RGS5: variants seen among roughly 807,000 people sequenced by gnomAD.
RGS5 encodes regulator of G-protein signalling 5.
A neutral mutation model predicts 18.9 loss-of-function variants in RGS5; 20 were observed. The ratio of observed to expected loss-of-function variants is 1.06; its 90% CI spans 0.74 to 1.54. The LOEUF (loss-of-function observed/expected upper bound fraction) is 1.54, where lower values mean the gene tolerates loss of function less well. RGS5 is among the 40% of genes most tolerant of loss of function. The pLI is 0.00. For missense variants in RGS5, 201 were observed against 211.8 expected (o/e 0.95, Z 0.32); for synonymous variants, 57 against 76.2 (o/e 0.75, Z 1.31).
chr1:163,205,345 T>TAAAAAAAAAAAA (rs35747068), upstream of RGS5, among the ~76,000 whole-genome samples: 1 of 72,740 alleles, frequency 1.4e-5, no homozygotes, highest in Non-Finnish European at 2.6e-5. Context: ...TTAACCACAG[T>TAAAAAAAAAAAA]AAAAAAAAAA....
chr1:163,249,981 C>A lies in RGS5; in HGVS notation c.-281+56252G>T, dbSNP rs916120903. Reference sequence around the variant, plus strand: ...CTGCCCTAGCTCAGTACGTGGTATTCCTGTTGTTAGGTACATCACTGCCAC... The same window carrying A: ...CTGCCCTAGCTCAGTACGTGGTATTACTGTTGTTAGGTACATCACTGCCAC... On this transcript the variant is annotated intron_variant, in intron 2 of 5. Transcript: ENST00000618415. Among the ~76,000 whole-genome samples the A allele has an allele frequency of 2.2e-4, 34 of 152,062 alleles. 1 individual carries two copies. The highest frequency in any genetic ancestry group is 7.2e-4 in the African/African-American group (30 of 41,396).
intron 2 of RGS5, among the ~76,000 whole-genome samples, chr1:163,239,548 A>G (rs1647729661): frequency 6.6e-6 from 1 of 152,086 alleles, no homozygotes; most frequent in Non-Finnish European, 1.5e-5. Flanking sequence ...GGCATAAAGA[A>G]GACCTAAAAC....
At chr1:163,275,410 GT>G (rs1273554520) in intron 2 of RGS5, among the ~76,000 whole-genome samples, 2 of 152,148 alleles carry the variant, frequency 1.3e-5, no homozygotes, top group East Asian at 3.9e-4. Flanking sequence ...CATCAGCCTA[GT>G]GAAGATGCTG....
chr1:163,270,300 C>T (rs949029113), intron 2 of RGS5, among the ~76,000 whole-genome samples: 2 of 148,324 alleles, frequency 1.3e-5, no homozygotes, highest in Admixed American at 1.4e-4. Flanking sequence ...TCGCTTGAGC[C>T]CAAGAGTTAG....
intron 1 of RGS5, among the ~76,000 whole-genome samples, chr1:163,310,937 G>C (rs951617703): frequency 2.6e-4 from 40 of 152,294 alleles, no homozygotes; most frequent in African/African-American, 7.9e-4. Flanking sequence ...CCGAGCAAAG[G>C]GGGAAGAGCC....
chr1:163,293,841 A>C (rs1447857108), intron 2 of RGS5, among the ~76,000 whole-genome samples: 1 of 152,194 alleles, frequency 6.6e-6, no homozygotes, highest in African/African-American at 2.4e-5. Context: ...GGCCAAAACA[A>C]AGGGGCCACA....
intron 2 of RGS5, among the ~76,000 whole-genome samples, chr1:163,259,537 T>C (rs183137525): frequency 6.6e-6 from 1 of 152,180 alleles, no homozygotes; most frequent in East Asian, 1.9e-4. Flanking sequence ...CAATACAGTA[T>C]GGTACACAAT....
intron 4 of RGS5, 142 bp downstream of exon 4, chr1:163,152,408 A>C (rs918646438): frequency 1.3e-6 from 1 of 791,394 alleles, no homozygotes; most frequent in African/African-American, 1.7e-5. Context: ...CTGCCTTTGT[A>C]CTCAATAGGT....
intron 1 of RGS5, among the ~76,000 whole-genome samples, chr1:163,180,341 G>T (rs1328258097): frequency 6.6e-6 from 1 of 152,078 alleles, no homozygotes; most frequent in Non-Finnish European, 1.5e-5. Context: ...CTCCAGGTCT[G>T]AATTACTGTA....
At chr1:163,276,005 CT>C (rs201739099) in intron 2 of RGS5, among the ~76,000 whole-genome samples, 2 of 149,320 alleles carry the variant, frequency 1.3e-5, no homozygotes, top group Non-Finnish European at 3.0e-5. Flanking sequence ...GTGGCACATT[CT>C]TTTTTTTTTC....
chr1:163,246,531 A>G (rs1016688849), intron 2 of RGS5, among the ~76,000 whole-genome samples: 4 of 152,198 alleles, frequency 2.6e-5, no homozygotes, highest in African/African-American at 9.7e-5. Flanking sequence ...AGATTGTGCC[A>G]CTGCACTCCA....
At chr1:163,171,383 C>T (rs1042481968) in intron 1 of RGS5, among the ~76,000 whole-genome samples, 2 of 152,142 alleles carry the variant, frequency 1.3e-5, no homozygotes, top group African/African-American at 4.8e-5. Context: ...CCTCCTGGCT[C>T]CATAGGTCCC....
intron 3 of RGS5, 32 bp from the exon 4 acceptor site, chr1:163,152,748 T>G (rs984210038): frequency 6.5e-7 from 1 of 1,537,414 alleles, no homozygotes; most frequent in Non-Finnish European, 8.8e-7. Flanking sequence ...GCTGGAGAAA[T>G]TTATTAATTT....
At chr1:163,165,999 G>A (rs1397916406) in intron 2 of RGS5, among the ~76,000 whole-genome samples, 5 of 152,184 alleles carry the variant, frequency 3.3e-5, no homozygotes. Flanking sequence ...AACAGTTCGG[G>A]TGAGGTAGTA....
intron 4 of RGS5, among the ~76,000 whole-genome samples, chr1:163,150,398 C>A (rs1220905424): frequency 6.6e-6 from 1 of 152,116 alleles, no homozygotes; most frequent in Admixed American, 6.6e-5. Flanking sequence ...GGTATTTCAG[C>A]AAATCTTAGA....
At chr1:163,215,677 A>G (rs1660200017) in intron 1 of RGS5, among the ~76,000 whole-genome samples, 1 of 152,150 alleles carries the variant, frequency 6.6e-6, no homozygotes, top group Non-Finnish European at 1.5e-5. Context: ...AAACAAATTA[A>G]TCTTATAAAT....
rs1657075567 is a variant in RGS5, at chr1:163,145,004, T to C, written c.*2338A>G. 1 of 152,216 alleles carries C rather than the reference T, an allele frequency of 6.6e-6. No homozygotes were observed. The highest frequency in any genetic ancestry group is 1.5e-5 in the Non-Finnish European group (1 of 68,026). 9.4% of individuals were successfully genotyped at this position (152,216 alleles called of 1,614,324 possible). ...AGATAGATAGATATATGTAGATATA[T>C]AGATATAATGTCACAATATCACTAT... On this transcript the variant is annotated 3_prime_UTR_variant, in exon 5 of 5. Transcript: ENST00000313961.
At chr1:163,178,492 A>G (rs1164138257) in intron 1 of RGS5, among the ~76,000 whole-genome samples, 1 of 152,068 alleles carries the variant, frequency 6.6e-6, no homozygotes, top group African/African-American at 2.4e-5. Context: ...AGGTGGTAGG[A>G]GCACAGAAGG....
chr1:163,174,413 A>AAATG lies in RGS5; in HGVS notation c.45-6049_45-6046dup, dbSNP rs1319966391. On this transcript the variant is annotated intron_variant, in intron 1 of 4. Coordinates refer to ENST00000313961, the MANE Select transcript of RGS5 (RefSeq NM_003617.4). ...TTGCCATGTAAATTGATGAATGAGC[A>AAATG]AATGAATGAATGAACTGAATTGCTA... Among the ~76,000 whole-genome samples, 3 of 152,220 alleles carry AAATG rather than the reference A, an allele frequency of 2.0e-5. No individual in the cohort carries two copies. In the East Asian group the frequency reaches 5.8e-4, roughly 29 times the overall value.
Sources: gnomAD v4.1 joint callset for allele counts (sites outside exome capture counted in the v4.1 genomes callset) on GRCh38, gnomAD v4.1.1 for gene constraint, MANE v1.5 for transcripts, NCBI Gene and HGNC (gene_info 2026-07-23, HGNC 2026-07-21) for gene names.